SCFD1: variants seen among roughly 807,000 people sequenced by gnomAD.
SCFD1 encodes sec1 family domain-containing protein 1.
In SCFD1, 37 loss-of-function variants were observed where a neutral mutation model predicts 103.2. The observed-to-expected ratio is 0.36, with a 90% CI of 0.28 to 0.47. SCFD1 has a LOEUF of 0.47. Among genes scored for constraint, SCFD1 ranks in the 20% least tolerant of loss-of-function variants. The pLI is 1.00. For synonymous variants in SCFD1, 264 were observed against 245.0 expected, an observed-to-expected ratio of 1.08 and a Z score of -0.73; for missense variants, 639 against 761.2, an observed-to-expected ratio of 0.84 and a Z score of 1.89.
intron 14 of SCFD1, among the ~76,000 whole-genome samples, chr14:30,684,467 T>G (rs1889768386): frequency 6.6e-6 from 1 of 152,216 alleles, no homozygotes; most frequent in Non-Finnish European, 1.5e-5. Flanking sequence ...GCACAGCATG[T>G]TAATGTTAAT....
intron 10 of SCFD1, among the ~76,000 whole-genome samples, chr14:30,660,067 T>C (rs150575321): frequency 0.011 from 1,685 of 152,316 alleles, 29 homozygotes; most frequent in African/African-American, 0.039. Context: ...ACCCGCTCTG[T>C]ATTGATTGTT....
chr14:30,651,227 G>A (rs1566597357), intron 9 of SCFD1, among the ~76,000 whole-genome samples: 1 of 152,092 alleles, frequency 6.6e-6, no homozygotes, highest in Non-Finnish European at 1.5e-5. Context: ...GTTTAAAGAA[G>A]AGATTATATT....
intron 14 of SCFD1, among the ~76,000 whole-genome samples, chr14:30,692,235 G>A (rs2139302446): frequency 6.6e-6 from 1 of 152,268 alleles, no homozygotes; most frequent in East Asian, 1.9e-4. Context: ...GCAAATGCAA[G>A]TGCTTGTTAT....
At chr14:30,649,495 C>G in intron 7 of SCFD1, 33 bp from the exon 8 acceptor site, 2 of 1,440,932 alleles carry the variant, frequency 1.4e-6, no homozygotes, top group Non-Finnish European at 1.9e-6. Context: ...AATTAAGAGC[C>G]AAGATCATTT....
chr14:30,628,186 T>G (rs371832612), intron 1 of SCFD1, 23 bp from the exon 2 acceptor site: 49 of 1,562,694 alleles, frequency 3.1e-5, no homozygotes, highest in Non-Finnish European at 4.2e-5. Flanking sequence ...ATGACAATAT[T>G]TGATAAAACT....
intron 17 of SCFD1, among the ~76,000 whole-genome samples, chr14:30,704,742 A>G (rs528702519): frequency 2.0e-5 from 3 of 152,166 alleles, no homozygotes; most frequent in East Asian, 3.9e-4. Flanking sequence ...TTTTTTTCCC[A>G]GTTACAAAGC....
chr14:30,647,765 C>T (rs1405154643), intron 7 of SCFD1, among the ~76,000 whole-genome samples: 1 of 152,150 alleles, frequency 6.6e-6, no homozygotes, highest in African/African-American at 2.4e-5. Context: ...ATTCTCCTGC[C>T]TCAGCCTCCT....
chr14:30,628,108 A>G, intron 1 of SCFD1, 101 bp from the exon 2 acceptor site: 1 of 725,076 alleles, frequency 1.4e-6, no homozygotes. Context: ...GTTTTACTAG[A>G]GTTGATTAGT....
intron 11 of SCFD1, among the ~76,000 whole-genome samples, chr14:30,672,767 C>G (rs904292280): frequency 5.3e-5 from 8 of 152,142 alleles, no homozygotes; most frequent in African/African-American, 1.4e-4. Flanking sequence ...CAGTAGTGTT[C>G]TGGGATATTA....
intron 1 of SCFD1, among the ~76,000 whole-genome samples, chr14:30,626,615 G>T (rs1204489350): frequency 2.6e-5 from 4 of 152,130 alleles, no homozygotes; most frequent in Admixed American, 2.0e-4. Context: ...ATGCAGTTAT[G>T]GTTCTCCTGC....
At chr14:30,684,507 T>G (rs975711849) in intron 14 of SCFD1, among the ~76,000 whole-genome samples, 2 of 152,154 alleles carry the variant, frequency 1.3e-5, no homozygotes, top group Non-Finnish European at 2.9e-5. Flanking sequence ...GGCAGTGTAC[T>G]GAAAAATGAA....
At chr14:30,728,194 T>C (rs1893187062) in intron 23 of SCFD1, among the ~76,000 whole-genome samples, 1 of 152,214 alleles carries the variant, frequency 6.6e-6, no homozygotes, top group Admixed American at 6.5e-5. Context: ...CCCCCTTTAA[T>C]TTCATGCCTT....
At chr14:30,672,784 C>G (rs1888676402) in intron 11 of SCFD1, among the ~76,000 whole-genome samples, 1 of 152,138 alleles carries the variant, frequency 6.6e-6, no homozygotes, top group Non-Finnish European at 1.5e-5. Context: ...ATTATGAGTT[C>G]TGAGTTACAA....
rs558174879 is a variant in SCFD1 at position 30,709,471 on chromosome 14, G to T, written c.1629+1406G>T. 6.6e-5 allele frequency among the ~76,000 whole-genome samples: 10 copies of T among 152,094 alleles called. No individual in the cohort carries two copies. In the East Asian group the frequency reaches 1.5e-3, roughly 23 times the overall value. On this transcript the variant is annotated intron_variant, in intron 19 of 24. Transcript: ENST00000458591. ...AGGTCTTGAACTCCTGGGCTCAAGT[G>T]ATCTTCCCACCTCAGCCTCTCAAGT...
Position 30,710,583 on chromosome 14 carries a change from C to T in SCFD1, c.1629+2518C>T, listed in dbSNP as rs536026684. 5.3e-5 allele frequency among the ~76,000 whole-genome samples: 8 copies of T among 152,110 alleles called. No homozygotes were observed. In the Middle Eastern group the frequency reaches 0.01, roughly 194 times the overall value. On this transcript the variant is annotated intron_variant, in intron 19 of 24. Coordinates refer to ENST00000458591, the MANE Select transcript of SCFD1 (RefSeq NM_016106.4). Reference sequence around the variant, plus strand: ...CTTCATCTCTGGTTACTACTGTCCACGACAAATTGCTAGGATTGAAATCTA... The same window carrying T: ...CTTCATCTCTGGTTACTACTGTCCATGACAAATTGCTAGGATTGAAATCTA...
At chr14:30,712,722 T>A (rs1182398996) in intron 19 of SCFD1, among the ~76,000 whole-genome samples, 2 of 152,220 alleles carry the variant, frequency 1.3e-5, no homozygotes, top group Non-Finnish European at 1.5e-5. Context: ...AACTTTAATT[T>A]AGGATATTCC....
intron 1 of SCFD1, among the ~76,000 whole-genome samples, chr14:30,625,524 A>C (rs1883299435): frequency 6.6e-6 from 1 of 152,030 alleles, no homozygotes; most frequent in South Asian, 2.1e-4. Flanking sequence ...CCTTGGGTAA[A>C]CTCTGATAAA....
intron 17 of SCFD1, among the ~76,000 whole-genome samples, chr14:30,705,264 G>A (rs895840587): frequency 6.6e-6 from 1 of 152,188 alleles, no homozygotes; most frequent in Non-Finnish European, 1.5e-5. Flanking sequence ...ATTGAAGAAG[G>A]TAGTGAATTT....
chr14:30,629,757 T>C (rs1883906392), intron 2 of SCFD1, among the ~76,000 whole-genome samples: 1 of 152,060 alleles, frequency 6.6e-6, no homozygotes, highest in Non-Finnish European at 1.5e-5. Flanking sequence ...TTTGTATTTT[T>C]AGTAGAGAAA....
Sources: gnomAD v4.1 joint callset for allele counts (sites outside exome capture counted in the v4.1 genomes callset) on GRCh38, gnomAD v4.1.1 for gene constraint, MANE v1.5 for transcripts, NCBI Gene and HGNC (gene_info 2026-07-23, HGNC 2026-07-21) for gene names.